FAM227B: variants seen among roughly 807,000 people sequenced by gnomAD.
The protein encoded by FAM227B is protein FAM227B.
A neutral mutation model predicts 73.8 loss-of-function variants in FAM227B; 88 were observed. That is an observed-to-expected ratio of 1.19 (90% CI 1.00 to 1.42). The LOEUF is 1.42. Among genes scored for constraint, FAM227B ranks in the 40% most tolerant of loss-of-function variants. The probability of loss-of-function intolerance (pLI) is 0.00; values close to 1 mark genes in which losing one functional copy is unlikely to be tolerated. For synonymous variants in FAM227B, 210 were observed against 190.5 expected (o/e 1.10, Z -0.84); for missense variants, 632 against 590.9 (o/e 1.07, Z -0.72).
Position 49,360,031 on chromosome 15 carries a change from T to C in FAM227B, c.1271+7417A>G, listed in dbSNP as rs1025586211. The stretch of plus-strand genomic sequence containing the variant: ...GCATATTCTCACTCATAGGTGGGAA[T>C]TCAACAATGAGATCACATGGACACA... On this transcript the variant is annotated intron_variant, in intron 13 of 15. Coordinates refer to ENST00000299338, the MANE Select transcript of FAM227B (RefSeq NM_152647.3). Among the ~76,000 whole-genome samples the C allele has an allele frequency of 9.7e-4, 133 of 137,306 alleles. 1 individual carries two copies. Among genetic ancestry groups the C allele is most frequent in the Non-Finnish European group, 2.4e-4 (16 of 65,828 alleles). The allele number at this position is 137,306 out of a possible 152,430, so 90.1% of individuals were successfully genotyped here. A position where few individuals can be genotyped will look rare whatever the true frequency, so the allele number is the denominator to read the frequency against.
chr15:49,562,312 C>G (rs543187724), intron 9 of FAM227B, among the ~76,000 whole-genome samples: 1 of 151,572 alleles, frequency 6.6e-6, no homozygotes, highest in Admixed American at 6.6e-5. Context: ...AAATTGAAAC[C>G]CTGAACAGAC....
intron 13 of FAM227B, chr15:49,366,762 G>T: frequency 1.4e-6 from 1 of 707,372 alleles, no homozygotes; most frequent in African/African-American, 1.8e-5. Context: ...CCACTGCGCT[G>T]CCTCCGTGGC....
chr15:49,391,927 C>A (rs1378986586), intron 11 of FAM227B, among the ~76,000 whole-genome samples: 1 of 152,126 alleles, frequency 6.6e-6, no homozygotes. Context: ...AAATAAATGC[C>A]CTCCTTACTC....
chr15:49,488,449 C>T (rs773020952), intron 11 of FAM227B: 1 of 151,930 alleles, frequency 6.6e-6, no homozygotes, highest in Non-Finnish European at 1.5e-5. Flanking sequence ...AGAAATAATA[C>T]AGTCCTAGCC....
intron 11 of FAM227B, among the ~76,000 whole-genome samples, chr15:49,406,447 G>A (rs1191090321): frequency 6.6e-6 from 1 of 152,088 alleles, no homozygotes; most frequent in Non-Finnish European, 1.5e-5. Flanking sequence ...GGGCGCTGGA[G>A]GGCACAGGAC....
At chr15:49,425,235 T>C (rs987673374) in intron 11 of FAM227B, 2 of 151,976 alleles carry the variant, frequency 1.3e-5, no homozygotes, top group Non-Finnish European at 2.9e-5. Context: ...AAAAGTTCTG[T>C]GCTATCTTAA....
chr15:49,389,864 T>A (rs74012342), intron 11 of FAM227B, among the ~76,000 whole-genome samples: 1 of 151,968 alleles, frequency 6.6e-6, no homozygotes, highest in Non-Finnish European at 1.5e-5. Context: ...GGTAGAACCA[T>A]TTTTACCAGC....
intron 9 of FAM227B, among the ~76,000 whole-genome samples, chr15:49,563,590 T>TAC (rs2074420880): frequency 6.6e-6 from 1 of 152,130 alleles, no homozygotes; most frequent in Admixed American, 6.6e-5. Context: ...GACTTCTGAC[T>TAC]ACACTATAAG....
intron 11 of FAM227B, among the ~76,000 whole-genome samples, chr15:49,413,385 A>G (rs1348869163): frequency 1.3e-5 from 2 of 152,060 alleles, no homozygotes; most frequent in Non-Finnish European, 2.9e-5. Flanking sequence ...CATGATTGTG[A>G]GGCCTCCCCA....
intron 11 of FAM227B, chr15:49,424,177 A>G (rs1597097026): frequency 1.2e-6 from 1 of 865,688 alleles, no homozygotes; most frequent in East Asian, 2.5e-5. Context: ...AAGAGCAACT[A>G]CTCTTTCTTA....
At chr15:49,611,289 T>G (rs547389489) in intron 2 of FAM227B, 21 bp from the exon 3 acceptor site, 2 of 1,445,612 alleles carry the variant, frequency 1.4e-6, no homozygotes, top group Admixed American at 1.7e-5. Flanking sequence ...AATATCAACA[T>G]TGTTCATTGG....
intron 10 of FAM227B, among the ~76,000 whole-genome samples, chr15:49,520,776 G>A (rs887505255): frequency 1.3e-5 from 2 of 152,114 alleles, no homozygotes; most frequent in Admixed American, 1.3e-4. Context: ...ACACATGGAA[G>A]CTACAGTTCA....
intron 13 of FAM227B, chr15:49,365,592 A>C: frequency 1.0e-6 from 1 of 967,410 alleles, no homozygotes; most frequent in Non-Finnish European, 1.7e-6. Context: ...TACTCTCACC[A>C]TTCTTTGTGA....
intron 11 of FAM227B, among the ~76,000 whole-genome samples, chr15:49,502,518 C>T (rs986075645): frequency 6.6e-6 from 1 of 152,246 alleles, no homozygotes; most frequent in Non-Finnish European, 1.5e-5. Context: ...TGGCCGATTT[C>T]TCCCTTTTGG....
intron 9 of FAM227B, among the ~76,000 whole-genome samples, chr15:49,547,520 G>T (rs2072108826): frequency 6.6e-6 from 1 of 152,138 alleles, no homozygotes; most frequent in African/African-American, 2.4e-5. Flanking sequence ...TCAGTGTGCT[G>T]TATTCAGGAA....
At chr15:49,508,520 C>A (rs892533119) in intron 10 of FAM227B, among the ~76,000 whole-genome samples, 172 bp from the exon 11 acceptor site, 1 of 152,006 alleles carries the variant, frequency 6.6e-6, no homozygotes, top group Non-Finnish European at 1.5e-5. Context: ...CCACTCTAAA[C>A]ATCTGTATCC....
intron 11 of FAM227B, among the ~76,000 whole-genome samples, chr15:49,505,919 G>C (rs1047573684): frequency 8.6e-5 from 13 of 151,846 alleles, no homozygotes; most frequent in African/African-American, 3.1e-4. Flanking sequence ...ATATGAACTA[G>C]TTATATGTAA....
intron 9 of FAM227B, among the ~76,000 whole-genome samples, chr15:49,546,040 G>A (rs1395377035): frequency 1.3e-5 from 2 of 151,406 alleles, no homozygotes; most frequent in African/African-American, 4.9e-5. Flanking sequence ...CATGTGCCAT[G>A]TTGGTGTGCT....
intron 15 of FAM227B, chr15:49,328,914 T>G (rs2038031738): frequency 1.6e-6 from 2 of 1,224,806 alleles, no homozygotes; most frequent in Non-Finnish European, 1.0e-6. Flanking sequence ...TAGAAAAACT[T>G]AGATAAAAAA....
Sources: allele counts gnomAD v4.1 joint callset (sites outside exome capture counted in the v4.1 genomes callset), GRCh38; gene constraint gnomAD v4.1.1; transcripts MANE v1.5; gene names NCBI Gene and HGNC (gene_info 2026-07-23, HGNC 2026-07-21).